Variants in BTBD6 observed in about 807,000 individuals in gnomAD.
BTBD6 encodes BTB/POZ domain-containing protein 6.
A neutral mutation model predicts 40.6 loss-of-function variants in BTBD6; 30 were observed. That is an observed-to-expected ratio of 0.74 (90% CI 0.55 to 1.00). BTBD6 has a LOEUF of 1.00. Ranked by LOEUF, BTBD6 falls within the 50% of genes least tolerant of loss-of-function variation. The pLI is 0.00. For missense variants in BTBD6, 698 were observed against 694.6 expected (o/e 1.00, Z -0.06); for synonymous variants, 378 against 308.7 (o/e 1.22, Z -2.35).
At chr14:105,249,298 C>CCGGGCTG in intron 2 of BTBD6, 51 bp downstream of exon 2, 1 of 1,579,002 alleles carries the variant, frequency 6.3e-7, no homozygotes, top group Non-Finnish European at 8.6e-7. Flanking sequence ...GCCCCGTCCG[C>CCGGGCTG]CGTGTGGCTG....
Position 105,249,416 on chromosome 14 carries a change from G to C in BTBD6, c.522G>C (p.Ala174=). The C allele has an allele frequency of 1.2e-6, 2 of 1,613,582 alleles. No individual in the cohort carries two copies. The highest frequency in any genetic ancestry group is 4.5e-5 in the East Asian group (2 of 44,880). Residue 174 remains alanine, a synonymous_variant, in exon 3 of 4, where the codon GCG becomes GCC. Transcript: ENST00000392554. ...VFYAMFYGDL[A]EVKSEIHIPD... ...ATGCCATGTTCTACGGAGACCTGGC[G>C]GAAGTCAAATCTGAAATTCACATTC...
Position 105,248,557 on chromosome 14 carries a change from G to T in BTBD6, c.-155G>T. ...CGCAGCGTGACGCACCGGCGCCGCGGCGGGTACGGGCTCGGGCGGGCGGGC... is the reference window on the plus strand; with the variant it reads ...CGCAGCGTGACGCACCGGCGCCGCGTCGGGTACGGGCTCGGGCGGGCGGGC... On this transcript the variant is annotated 5_prime_UTR_variant, in exon 1 of 4. Coordinates refer to ENST00000392554, the MANE Select transcript of BTBD6 (RefSeq NM_001387567.1). The T allele has an allele frequency of 1.1e-6, 1 of 920,656 alleles. No individual in the cohort carries two copies. The highest frequency in any genetic ancestry group is 1.3e-6 in the Non-Finnish European group (1 of 782,248). The allele number at this position is 920,656 out of a possible 1,614,324, so 57.0% of individuals were successfully genotyped here. A position where few individuals can be genotyped will look rare whatever the true frequency, so the allele number is the denominator to read the frequency against.
Position 105,250,666 on chromosome 14 carries a change from T to C in BTBD6, c.1611T>C (p.Tyr537=). ...GGCAGATCCCTGAGCTCATTTTCTA[T>C]GCCTGAGGTGCCCGGGGAGGCTGCA... ...QGGQIPELIF[Y]A The change falls in exon 4 of 4, where the codon TAT becomes TAC. Residue 537 remains tyrosine, a synonymous_variant. Coordinates refer to ENST00000392554, the MANE Select transcript of BTBD6 (RefSeq NM_001387567.1). 2 of 1,604,318 alleles carry C rather than the reference T, an allele frequency of 1.2e-6. No individual in the cohort carries two copies. Among genetic ancestry groups the C allele is most frequent in the Non-Finnish European group, 1.7e-6 (2 of 1,173,290 alleles).
intron 3 of BTBD6, 78 bp from the exon 4 acceptor site, chr14:105,249,562 G>A: frequency 6.3e-7 from 1 of 1,589,288 alleles, no homozygotes; most frequent in Non-Finnish European, 8.6e-7. Context: ...CACAGGAGCT[G>A]ATGGACTCCT....
chr14:105,249,691 T>C lies in BTBD6; in HGVS notation c.636T>C (p.Thr212=), dbSNP rs2055468031. 6.2e-7 allele frequency: 1 copy of C among 1,613,686 alleles called. No individual in the cohort carries two copies. Among genetic ancestry groups the C allele is most frequent in the East Asian group, 2.2e-5 (1 of 44,876 alleles). The change falls in exon 4 of 4, where the codon ACT becomes ACC. Residue 212 remains threonine (T), a synonymous_variant. Coordinates refer to ENST00000392554, the MANE Select transcript of BTBD6 (RefSeq NM_001387567.1). Reference sequence around the variant, plus strand: ...TGGAAGCCGACACGGTGCTGGCCACTCTGTACGCTGCTAAGAAGTACATCG... The same window carrying C: ...TGGAAGCCGACACGGTGCTGGCCACCCTGTACGCTGCTAAGAAGTACATCG... ...IDLEADTVLA[T]LYAAKKYIVP...
chr14:105,248,535 A>G lies in BTBD6; in HGVS notation c.-177A>G. On this transcript the variant is annotated 5_prime_UTR_variant, in exon 1 of 4. Transcript: ENST00000392554. The stretch of plus-strand genomic sequence containing the variant: ...GTCGCGCGGGGCGCGGCCCTGACGC[A>G]GCGTGACGCACCGGCGCCGCGGCGG... The G allele has an allele frequency of 2.0e-5, 18 of 914,312 alleles. No homozygotes were observed. Among genetic ancestry groups the G allele is most frequent in the Non-Finnish European group, 2.3e-5 (18 of 786,136 alleles). 56.6% of individuals were successfully genotyped at this position (914,312 alleles called of 1,614,324 possible).
rs2140273134 is a variant in BTBD6 at position 105,248,534 on chromosome 14, C to T, written c.-178C>T. ...CGTCGCGCGGGGCGCGGCCCTGACG[C>T]AGCGTGACGCACCGGCGCCGCGGCG... On this transcript the variant is annotated 5_prime_UTR_variant, in exon 1 of 4. Coordinates refer to ENST00000392554, the MANE Select transcript of BTBD6 (RefSeq NM_001387567.1). 1 of 942,238 alleles carries T rather than the reference C, an allele frequency of 1.1e-6. No homozygotes were observed. Among genetic ancestry groups the T allele is most frequent in the South Asian group, 4.9e-5 (1 of 20,272 alleles). The allele number at this position is 942,238 out of a possible 1,614,324, so 58.4% of individuals were successfully genotyped here. A position where few individuals can be genotyped will look rare whatever the true frequency, so the allele number is the denominator to read the frequency against.
chr14:105,248,962 C>CGCGCAGCCCGCCCA lies in BTBD6; in HGVS notation c.256_269dup (p.Pro91AlafsTer106). 1 of 979,580 alleles carries CGCGCAGCCCGCCCA rather than the reference C, an allele frequency of 1.0e-6. No homozygotes were observed. Among genetic ancestry groups the CGCGCAGCCCGCCCA allele is most frequent in the Non-Finnish European group, 1.2e-6 (1 of 827,352 alleles). The allele number at this position is 979,580 out of a possible 1,614,324, so 60.7% of individuals were successfully genotyped here. A position where few individuals can be genotyped will look rare whatever the true frequency, so the allele number is the denominator to read the frequency against. On this transcript the variant is annotated frameshift_variant, in exon 1 of 4. Transcript: ENST00000392554. LOFTEE classifies it high-confidence loss of function. ...GCCGCCGTGGGCAGGAAGGCCGGGC[C>CGCGCAGCCCGCCCA]GCGCAGCCCGCCCAGCGCCCCCGCG...
chr14:105,250,390 G>A lies in BTBD6; in HGVS notation c.1335G>A (p.Lys445=). ...AGTACAGCGTGAAGATTGAGCTCAA[G>A]CGGCTCGGGGTGGTTCTGGCTCAGA... The part of the protein sequence containing the change: ...KAEYSVKIEL[K]RLGVVLAQNL... The change falls in exon 4 of 4, where the codon AAG becomes AAA. Residue 445 remains lysine, a synonymous_variant. Coordinates refer to ENST00000392554, the MANE Select transcript of BTBD6 (RefSeq NM_001387567.1). 2 of 1,613,860 alleles carry A rather than the reference G, an allele frequency of 1.2e-6. No individual in the cohort carries two copies. Among genetic ancestry groups the A allele is most frequent in the Non-Finnish European group, 1.7e-6 (2 of 1,180,042 alleles).
Position 105,248,791 on chromosome 14 carries a change from C to G in BTBD6, c.80C>G (p.Pro27Arg). ...TTGCTTTTGCTTGCAGAGCCGCTCC[C>G]GAGGCCCCGGCGCGGCGCGAGGGCG... Reference protein sequence around the residue: ...TSLLLLAEPLPRPRRGARARG... With the variant: ...TSLLLLAEPLRRPRRGARARG... The change falls in exon 1 of 4, where the codon CCG becomes CGG. Residue 27 changes from proline (P) to arginine (R), a missense_variant. Transcript: ENST00000392554. 2.0e-6 allele frequency: 2 copies of G among 982,820 alleles called. No individual in the cohort carries two copies. Among genetic ancestry groups the G allele is most frequent in the Non-Finnish European group, 2.4e-6 (2 of 829,750 alleles). 60.9% of individuals were successfully genotyped at this position (982,820 alleles called of 1,614,324 possible).
In BTBD6 at chr14:105,248,980, C is replaced by T. The variant is rs1190040178; in HGVS notation, c.269C>T (p.Ala90Val). The stretch of plus-strand genomic sequence containing the variant: ...GCCGGGCCGCGCAGCCCGCCCAGCG[C>T]CCCCGCGCCAGCGCCGCCGCCGCCC... ...RKAGPRSPPS[A>V]PAPAPPPPAP... The change falls in exon 1 of 4, where the codon GCC becomes GTC. Residue 90 changes from alanine to valine, a missense_variant. By Grantham distance (64) the Ala-to-Val change is moderately conservative. Transcript: ENST00000392554. The T allele has an allele frequency of 2.0e-6, 2 of 986,392 alleles. No homozygotes were observed. Among genetic ancestry groups the T allele is most frequent in the East Asian group, 1.1e-4 (1 of 9,050 alleles). 61.1% of individuals were successfully genotyped at this position (986,392 alleles called of 1,614,324 possible).
At position 105,248,586 on chromosome 14, in the gene BTBD6, C is replaced by CGGGCGGGA. The variant is rs1566832618; in HGVS notation, c.-123_-122insCGGGAGGG. 1 of 263,902 alleles carries CGGGCGGGA rather than the reference C, an allele frequency of 3.8e-6. No individual in the cohort carries two copies. The highest frequency in any genetic ancestry group is 6.3e-5 in the African/African-American group (1 of 15,880). The allele number at this position is 263,902 out of a possible 1,614,324, so 16.3% of individuals were successfully genotyped here. On this transcript the variant is annotated 5_prime_UTR_variant, in exon 1 of 4. Transcript: ENST00000392554. ...GTACGGGCTCGGGCGGGCGGGCGGG[C>CGGGCGGGA]GGGACGGCGCCCCCCGCGGCCGGGC... is the stretch of plus-strand genomic sequence containing the variant.
At chr14:105,249,128 G>A (rs1309475357) in intron 1 of BTBD6, 29 bp from the exon 2 acceptor site, 8 of 1,524,978 alleles carry the variant, frequency 5.2e-6, no homozygotes, top group Non-Finnish European at 1.7e-6. Flanking sequence ...GCGCGCCCAC[G>A]CCCCCAGCCC....
In BTBD6 at chr14:105,248,933, C is replaced by T. The variant is rs1595379671; in HGVS notation, c.222C>T (p.Ala74=). 3 of 982,406 alleles carry T rather than the reference C, an allele frequency of 3.1e-6. No homozygotes were observed. The highest frequency in any genetic ancestry group is 3.6e-6 in the Non-Finnish European group (3 of 830,426). The allele number at this position is 982,406 out of a possible 1,614,324, so 60.9% of individuals were successfully genotyped here. A position where few individuals can be genotyped will look rare whatever the true frequency, so the allele number is the denominator to read the frequency against. The stretch of plus-strand genomic sequence containing the variant: ...CCGCGGACCTAGCCAACAGCAACGC[C>T]GGCGCCGCCGTGGGCAGGAAGGCCG... ...AAAADLANSN[A]GAAVGRKAGP... is the part of the protein sequence containing the mutation. Residue 74 remains alanine, a synonymous_variant, in exon 1 of 4, where the codon GCC becomes GCT. Transcript: ENST00000392554.
At chr14:105,249,313 GCAGC>G in intron 2 of BTBD6, 43 bp from the exon 3 acceptor site, 1 of 1,589,660 alleles carries the variant, frequency 6.3e-7, no homozygotes, top group East Asian at 2.3e-5. Flanking sequence ...TGGCTGACAC[GCAGC>G]CTGCGGGAGA....
chr14:105,250,242 C>T lies in BTBD6; in HGVS notation c.1187C>T (p.Ser396Phe), dbSNP rs1240597249. The stretch of plus-strand genomic sequence containing the variant: ...CCGCAGAGGTGCCACCGATTCCAGT[C>T]TTCTGCCTACCGCAGCAACCAGTGG... ...LAPQRCHRFQ[S>F]SAYRSNQWRY... The change falls in exon 4 of 4, where the codon TCT (serine) becomes TTT (phenylalanine). Residue 396 changes from serine (S) to phenylalanine (F), a missense_variant. By Grantham distance (155) the Ser-to-Phe change is radical. Coordinates refer to ENST00000392554, the MANE Select transcript of BTBD6 (RefSeq NM_001387567.1). 6.2e-7 allele frequency: 1 copy of T among 1,613,046 alleles called. No homozygotes were observed. Among genetic ancestry groups the T allele is most frequent in the Non-Finnish European group, 8.5e-7 (1 of 1,180,032 alleles).
chr14:105,249,216 CG>C lies in BTBD6; in HGVS notation c.439del (p.Ala147ArgfsTer45). The C allele has an allele frequency of 1.9e-6, 3 of 1,587,616 alleles. No individual in the cohort carries two copies. The highest frequency in any genetic ancestry group is 1.7e-5 in the Admixed American group (1 of 58,306). On this transcript the variant is annotated frameshift_variant, in exon 2 of 4. Transcript: ENST00000392554. LOFTEE classifies it high-confidence loss of function. ...MADVHFVVGP[P>X]GATRTVPAHK... ...GACGTGCACTTCGTCGTGGGGCCCC[CG>C]GGGGCGACCAGGACGGTGCCCGCCC...
In BTBD6 at chr14:105,248,983, CCGCGCCAGCGCCGCCGCCGCCCG is replaced by C; in HGVS notation, c.276_298del (p.Pro93ArgfsTer79). 1.0e-6 allele frequency: 1 copy of C among 986,266 alleles called. No homozygotes were observed. Among genetic ancestry groups the C allele is most frequent in the East Asian group, 1.1e-4 (1 of 9,054 alleles). The allele number at this position is 986,266 out of a possible 1,614,324, so 61.1% of individuals were successfully genotyped here. On this transcript the variant is annotated frameshift_variant, in exon 1 of 4. Coordinates refer to ENST00000392554, the MANE Select transcript of BTBD6 (RefSeq NM_001387567.1). LOFTEE classifies it high-confidence loss of function. ...GGGCCGCGCAGCCCGCCCAGCGCCCCCGCGCCAGCGCCGCCGCCGCCCGCGCCCGCGCCGCCCACACTCGGCAA... is the reference window on the plus strand; with the variant it reads ...GGGCCGCGCAGCCCGCCCAGCGCCCCCGCCCGCGCCGCCCACACTCGGCAA...
chr14:105,250,298 T>C lies in BTBD6; in HGVS notation c.1243T>C (p.Phe415Leu). 6.2e-7 allele frequency: 1 copy of C among 1,613,222 alleles called. No individual in the cohort carries two copies. Among genetic ancestry groups the C allele is most frequent in the Non-Finnish European group, 8.5e-7 (1 of 1,180,026 alleles). Residue 415 changes from phenylalanine to leucine, a missense_variant, in exon 4 of 4, where the codon TTT (phenylalanine) becomes CTT (leucine). Physicochemically the swap from Phe to Leu is conservative, Grantham distance 22. Transcript: ENST00000392554. ...RYRGRCDSIQ[F>L]AVDRRVFIAG... is the part of the protein sequence containing the mutation. ...CCGCGGGCGCTGCGACAGCATCCAG[T>C]TTGCAGTGGACAGAAGGGTATTTAT...
Sources: gnomAD v4.1 joint callset for allele counts on GRCh38, gnomAD v4.1.1 for gene constraint, MANE v1.5 for transcripts, NCBI Gene and HGNC (gene_info 2026-07-23, HGNC 2026-07-21) for gene names.